The following IKBKG variants were observed in gnomAD, a reference collection of about 807,000 sequenced individuals.
IKBKG encodes the protein inhibitor of nuclear factor kappa B kinase regulatory subunit gamma.
A neutral mutation model predicts 13.7 loss-of-function variants in IKBKG; 2 were observed. The ratio of observed to expected loss-of-function variants is 0.15; its 90% CI spans 0.06 to 0.46. The LOEUF (loss-of-function observed/expected upper bound fraction) is 0.46, where lower values mean the gene tolerates loss of function less well. Ranked by LOEUF, IKBKG falls within the 20% of genes least tolerant of loss-of-function variation. The pLI is 0.98. For missense variants in IKBKG, 53 were observed against 150.3 expected, an observed-to-expected ratio of 0.35 and a Z score of 3.39; for synonymous variants, 22 against 64.4, an observed-to-expected ratio of 0.34 and a Z score of 3.15.
intron 6 of IKBKG, 82 bp from the exon 7 acceptor site, chrX:154,562,727 AC>A: frequency 1.3e-5 from 3 of 222,846 alleles, no homozygotes; most frequent in Non-Finnish European, 2.2e-5. Flanking sequence ...AGCCAGGGCC[AC>A]TCTTTCATCC....
upstream of IKBKG, among the ~76,000 whole-genome samples, chrX:154,544,107 C>T (rs1408884462): frequency 1.8e-5 from 2 of 109,724 alleles, no homozygotes; most frequent in Non-Finnish European, 3.8e-5. Flanking sequence ...ATGATCCACC[C>T]GCTTCAGCCT....
intron 1 of IKBKG, among the ~76,000 whole-genome samples, chrX:154,550,763 C>T (rs782795856): frequency 9.0e-6 from 1 of 111,349 alleles, no homozygotes; most frequent in African/African-American, 3.3e-5. Flanking sequence ...GCTTCGGCCT[C>T]CCGAGTAGCT....
At chrX:154,547,940 C>G (rs56262786) in intron 1 of IKBKG, 195 bp downstream of exon 1, 35,217 of 753,446 alleles carry the variant, frequency 0.047, 629 homozygotes, top group Middle Eastern at 0.071. Flanking sequence ...TGTTTCTACT[C>G]CTCCCTCCTC....
At chrX:154,545,212 GC>G (rs1410056694), upstream of IKBKG, among the ~76,000 whole-genome samples, 2 of 111,267 alleles carry the variant, frequency 1.8e-5, no homozygotes, top group Admixed American at 1.9e-4. Context: ...TCCTATGAGT[GC>G]AGAATGGCGG....
chrX:154,551,910 GC>G lies in IKBKG; in HGVS notation c.-15-74del. 4 of 749,170 alleles carry G rather than the reference GC, an allele frequency of 5.3e-6. No homozygotes were observed. The African/African-American group carries it at 8.6e-5, about 16-fold the overall frequency. 61.7% of individuals were successfully genotyped at this position (749,170 alleles called of 1,213,427 possible). A position where few individuals can be genotyped will look rare whatever the true frequency, so the allele number is the denominator to read the frequency against. On this transcript the variant is annotated intron_variant, in intron 1 of 9. Coordinates refer to ENST00000594239, the MANE Select transcript of IKBKG (RefSeq NM_001099857.5). ...TTATCAGCATTCTGTTTAAAATGTA[GC>G]CCCAGAACTCATAGGCTTTTTCTGC...
At position 154,547,723 on chromosome X, in the gene IKBKG, C is replaced by G. The variant is rs1274735544; in HGVS notation, c.-38C>G. The G allele has an allele frequency of 4.0e-6, 3 of 754,170 alleles. No homozygotes were observed. The highest frequency in any genetic ancestry group is 3.0e-4 in the East Asian group (2 of 6,626). 62.2% of individuals were successfully genotyped at this position (754,170 alleles called of 1,213,427 possible). The stretch of plus-strand genomic sequence containing the variant: ...CAGTCCGCCGCTCCCACCCTTCTCA[C>G]GTCTGACGGACTCTGCTGACAGGTG... On this transcript the variant is annotated 5_prime_UTR_variant, in exon 1 of 10. Coordinates refer to ENST00000594239, the MANE Select transcript of IKBKG (RefSeq NM_001099857.5).
intron 2 of IKBKG, among the ~76,000 whole-genome samples, chrX:154,555,243 C>A (rs1403983947): frequency 8.9e-6 from 1 of 112,371 alleles, no homozygotes; most frequent in Non-Finnish European, 1.9e-5. Flanking sequence ...GCCAGCAATG[C>A]TGCAGTGAAG....
intron 2 of IKBKG, among the ~76,000 whole-genome samples, 168 bp downstream of exon 2, chrX:154,552,357 C>T (rs2070956859): frequency 1.8e-5 from 2 of 111,836 alleles, no homozygotes; most frequent in South Asian, 3.7e-4. Flanking sequence ...AGCATGCTCT[C>T]AGGACCAGTA....
At chrX:154,546,876 C>G (rs2070742871), upstream of IKBKG, 3 of 1,069,987 alleles carry the variant, frequency 2.8e-6, no homozygotes, top group African/African-American at 3.9e-5. Context: ...CCCATTTAAT[C>G]GGCGGGGGCG....
upstream of IKBKG, chrX:154,547,178 G>A (rs1569556447): frequency 1.2e-5 from 3 of 246,144 alleles, no homozygotes; most frequent in African/African-American, 5.9e-5. Flanking sequence ...TTCCCCGCCT[G>A]CCCCGGCGGC....
upstream of IKBKG, chrX:154,546,885 C>CG: frequency 9.9e-7 from 1 of 1,011,500 alleles, no homozygotes; most frequent in Non-Finnish European, 1.3e-6. Context: ...TCGGCGGGGG[C>CG]GGGGGCGGGC....
intron 1 of IKBKG, among the ~76,000 whole-genome samples, chrX:154,549,613 C>T (rs1200376512): frequency 1.8e-5 from 2 of 111,615 alleles, no homozygotes; most frequent in African/African-American, 3.3e-5. Context: ...CTTGAGATAT[C>T]ATTAGCATGT....
upstream of IKBKG, among the ~76,000 whole-genome samples, chrX:154,544,899 C>T (rs2070648783): frequency 8.9e-6 from 1 of 112,473 alleles, no homozygotes; most frequent in African/African-American, 3.2e-5. Context: ...CACTGAGGGG[C>T]GCACGATGTG....
upstream of IKBKG, chrX:154,545,860 T>G (rs2070693355): frequency 4.1e-6 from 2 of 491,920 alleles, no homozygotes; most frequent in African/African-American, 2.5e-5. Flanking sequence ...AAAAAAAGTC[T>G]TGCAAGTGCA....
At chrX:154,542,492 C>A, upstream of IKBKG, 1 of 1,144,790 alleles carries the variant, frequency 8.7e-7, no homozygotes, top group Non-Finnish European at 1.2e-6. Context: ...GGTGGGAGTC[C>A]TGAGAAGGCA....
In IKBKG at chrX:154,541,880, G is replaced by A. The variant is rs782213290; in HGVS notation, c.-186-402G>A. Among the ~76,000 whole-genome samples the A allele has an allele frequency of 2.7e-5, 3 of 112,261 alleles. No individual in the cohort carries two copies. In the East Asian group the frequency reaches 8.4e-4, roughly 32 times the overall value. On this transcript the variant is annotated intron_variant, in intron 1 of 10. Transcript: ENST00000422680. ...GCATGAGGGTTTCATGGTAGAGCAC[G>A]ATGCCTGCTGGAGGGCCAGCGGGGG...
chrX:154,546,690 G>T, upstream of IKBKG: 1 of 714,897 alleles, frequency 1.4e-6, no homozygotes, highest in Non-Finnish European at 2.1e-6. Flanking sequence ...GATTCTGCTC[G>T]GTTCTCAAGC....
At chrX:154,544,153 G>A (rs1361895475), upstream of IKBKG, among the ~76,000 whole-genome samples, 2 of 108,422 alleles carry the variant, frequency 1.8e-5, no homozygotes, top group Admixed American at 9.9e-5. Flanking sequence ...GAGCCACTGC[G>A]CCCGGCCTTT....
upstream of IKBKG, chrX:154,546,641 G>C (rs2070727021): frequency 1.8e-5 from 9 of 498,520 alleles, no homozygotes; most frequent in South Asian, 2.7e-4. Context: ...GCTCAAGAGA[G>C]GAGGTGCGGG....
Sources: gnomAD v4.1 joint callset for allele counts (sites outside exome capture counted in the v4.1 genomes callset) on GRCh38, gnomAD v4.1.1 for gene constraint, MANE v1.5 for transcripts, NCBI Gene and HGNC (gene_info 2026-07-23, HGNC 2026-07-21) for gene names.